ARHGAP35: variants seen among roughly 807,000 people sequenced by gnomAD.
ARHGAP35 encodes rho GTPase-activating protein 35.
In ARHGAP35, 15 loss-of-function variants were observed where a neutral mutation model predicts 111.1. The observed-to-expected ratio is 0.13, with a 90% CI of 0.09 to 0.21. The LOEUF is 0.21. Among genes scored for constraint, ARHGAP35 ranks in the 10% least tolerant of loss-of-function variants. The pLI is 1.00. For missense variants in ARHGAP35, 1,262 were observed against 1,873.0 expected, an observed-to-expected ratio of 0.67 and a Z score of 6.02; for synonymous variants, 643 against 710.3, an observed-to-expected ratio of 0.91 and a Z score of 1.51.
intron 2 of ARHGAP35, among the ~76,000 whole-genome samples, chr19:46,924,538 A>G (rs998168185): frequency 1.3e-5 from 2 of 152,168 alleles, no homozygotes; most frequent in African/African-American, 2.4e-5. Flanking sequence ...GCTTTTCTAC[A>G]TGGAGTCCTT....
chr19:46,905,556 C>A (rs1367592391), intron 1 of ARHGAP35, among the ~76,000 whole-genome samples: 1 of 125,442 alleles, frequency 8.0e-6, no homozygotes, highest in East Asian at 2.7e-4. Flanking sequence ...TTGTATTCCA[C>A]CCCCCCCCCC....
chr19:46,873,653 C>T (rs990278493), intron 1 of ARHGAP35, among the ~76,000 whole-genome samples: 13 of 150,514 alleles, frequency 8.6e-5, no homozygotes, highest in East Asian at 1.9e-4. Flanking sequence ...AAAAAAAAGC[C>T]GTCGGTCAAA....
chr19:46,986,226 G>T lies in ARHGAP35; in HGVS notation c.3827-1763G>T, dbSNP rs759238330. Among the ~76,000 whole-genome samples, 1 of 152,154 alleles carries T rather than the reference G, an allele frequency of 6.6e-6. No individual in the cohort carries two copies. The highest frequency in any genetic ancestry group is 1.5e-5 in the Non-Finnish European group (1 of 68,036). On this transcript the variant is annotated intron_variant, in intron 3 of 6. Transcript: ENST00000672722. This position sits in a 1 kb window ranked among gnomAD's most constrained non-coding sequence, Gnocchi z 4.3. ...ATCTTGATGGCTCACAGTGGACTTC[G>T]TTCCCAGGACAGGGTGAGTGGACTC...
chr19:46,949,080 C>T (rs1330710742), intron 3 of ARHGAP35: 4 of 151,856 alleles, frequency 2.6e-5, no homozygotes, highest in Non-Finnish European at 5.9e-5. Context: ...TGGCGTGAAC[C>T]CGGGAGGCGG....
Position 46,918,711 on chromosome 19 carries a change from C to T in ARHGAP35, c.36C>T (p.Pro12=), listed in dbSNP as rs779177543. 1 of 1,613,616 alleles carries T rather than the reference C, an allele frequency of 6.2e-7. No individual in the cohort carries two copies. The highest frequency in any genetic ancestry group is 8.5e-7 in the Non-Finnish European group (1 of 1,179,638). ...CAAGAAAGCAAGATGTCCGAATTCC[C>T]ACCTACAACATCAGTGTGGTGGGAT... is the stretch of plus-strand genomic sequence containing the variant. ...MMARKQDVRI[P]TYNISVVGLS... Residue 12 remains proline (P), a synonymous_variant, in exon 2 of 7, where the codon CCC becomes CCT. Transcript: ENST00000672722. This position sits in a 1 kb window ranked among gnomAD's most constrained non-coding sequence, Gnocchi z 5.4.
At chr19:46,874,051 TATTA>T (rs1419427025) in intron 1 of ARHGAP35, among the ~76,000 whole-genome samples, 8 of 152,342 alleles carry the variant, frequency 5.3e-5, no homozygotes, top group Admixed American at 2.0e-4. Context: ...CTGGCTAAGC[TATTA>T]ATTAAATTTT....
chr19:46,987,048 G>A (rs983552013), intron 3 of ARHGAP35, among the ~76,000 whole-genome samples: 8 of 151,668 alleles, frequency 5.3e-5, no homozygotes, highest in African/African-American at 1.5e-4. Flanking sequence ...GGCTGGTCTC[G>A]AACTCCTGAC....
At chr19:46,978,241 G>T (rs189467583) in intron 3 of ARHGAP35, among the ~76,000 whole-genome samples, 59 of 152,294 alleles carry the variant, frequency 3.9e-4, no homozygotes, top group Non-Finnish European at 8.8e-5. Flanking sequence ...ACTCTGAAAA[G>T]TATTCTTTCT....
intron 2 of ARHGAP35, among the ~76,000 whole-genome samples, chr19:46,936,276 A>T (rs2056306706): frequency 6.6e-6 from 1 of 152,170 alleles, no homozygotes; most frequent in Admixed American, 6.5e-5. Context: ...TTTGGAACTT[A>T]GTCTGTGCAT....
In ARHGAP35 at chr19:47,001,477, G is replaced by A. The variant is rs1224390760; in HGVS notation, c.*789G>A. On this transcript the variant is annotated 3_prime_UTR_variant, in exon 7 of 7. Coordinates refer to ENST00000672722, the MANE Select transcript of ARHGAP35 (RefSeq NM_004491.5). This position sits in a 1 kb window ranked among gnomAD's most constrained non-coding sequence, Gnocchi z 5.4. The stretch of plus-strand genomic sequence containing the variant: ...CACTCTGTGCCCGCCTCTGCCGGGA[G>A]GGAGGGAGGCACACAGGTGGAGCTG... 23 of 1,122,580 alleles carry A rather than the reference G, an allele frequency of 2.0e-5. No homozygotes were observed. Among genetic ancestry groups the A allele is most frequent in the Non-Finnish European group, 2.7e-5 (23 of 842,436 alleles). 69.5% of individuals were successfully genotyped at this position (1,122,580 alleles called of 1,614,324 possible).
rs755267035 is a variant in ARHGAP35 at position 46,918,914 on chromosome 19, G to T, written c.239G>T (p.Ser80Ile). 3.0e-5 allele frequency: 49 copies of T among 1,613,890 alleles called. No homozygotes were observed. Among genetic ancestry groups the T allele is most frequent in the Non-Finnish European group, 4.0e-5 (47 of 1,179,906 alleles). Residue 80 changes from serine to isoleucine, a missense_variant, in exon 2 of 7, where the codon AGC (serine) becomes ATC (isoleucine). By Grantham distance (142) the Ser-to-Ile change is moderately radical. Coordinates refer to ENST00000672722, the MANE Select transcript of ARHGAP35 (RefSeq NM_004491.5). This position sits in a 1 kb window ranked among gnomAD's most constrained non-coding sequence, Gnocchi z 5.4. ...CACTTTCTCTACTGGGGAGAAGTTA[G>T]CCGCTCCCTGGAGGATTGTGTGGAA... is the stretch of plus-strand genomic sequence containing the variant. ...NDHFLYWGEV[S>I]RSLEDCVECK...
At chr19:46,972,517 A>G (rs992449094) in intron 3 of ARHGAP35, among the ~76,000 whole-genome samples, 3 of 152,212 alleles carry the variant, frequency 2.0e-5, no homozygotes, top group African/African-American at 7.2e-5. Context: ...CGTGCGGCGC[A>G]CAGCCTTTCG....
intron 1 of ARHGAP35, among the ~76,000 whole-genome samples, chr19:46,889,190 G>T (rs1401599321): frequency 6.6e-6 from 1 of 152,058 alleles, no homozygotes; most frequent in Non-Finnish European, 1.5e-5. Context: ...GCATGGCCAG[G>T]CGCTGTGGCT....
In ARHGAP35 at chr19:47,002,155, G is replaced by A. The variant is rs1941692419; in HGVS notation, c.*1467G>A. 1 of 152,814 alleles carries A rather than the reference G, an allele frequency of 6.5e-6. No homozygotes were observed. Among genetic ancestry groups the A allele is most frequent in the Non-Finnish European group, 1.5e-5 (1 of 68,158 alleles). 9.5% of individuals were successfully genotyped at this position (152,814 alleles called of 1,614,324 possible). ...GACACTAGGCACCCCCCAGGCGAGA[G>A]CTAGTGGGGTGCAGAGGGCCCCATG... On this transcript the variant is annotated 3_prime_UTR_variant, in exon 7 of 7. Transcript: ENST00000672722.
At chr19:46,878,044 CAG>C (rs2055935491) in intron 1 of ARHGAP35, among the ~76,000 whole-genome samples, 1 of 151,816 alleles carries the variant, frequency 6.6e-6, no homozygotes, top group African/African-American at 2.4e-5. Context: ...TTTTTTGAGA[CAG>C]AGTCTTCCTT....
chr19:46,975,872 T>G (rs1476571748), intron 3 of ARHGAP35, among the ~76,000 whole-genome samples: 1 of 152,186 alleles, frequency 6.6e-6, no homozygotes, highest in Non-Finnish European at 1.5e-5. Context: ...GCTGTTAAAT[T>G]CAGTTAGTTA....
intron 5 of ARHGAP35, among the ~76,000 whole-genome samples, chr19:46,995,508 A>G (rs2056702619): frequency 6.6e-6 from 1 of 152,216 alleles, no homozygotes; most frequent in Non-Finnish European, 1.5e-5. Context: ...TGCCGCGTGC[A>G]GGGAGGCGGG....
At chr19:46,950,738 T>A (rs1420988266) in intron 3 of ARHGAP35, among the ~76,000 whole-genome samples, 1 of 152,198 alleles carries the variant, frequency 6.6e-6, no homozygotes, top group Non-Finnish European at 1.5e-5. Flanking sequence ...TACCTCGCTG[T>A]GGCTCTCTCT....
At chr19:46,944,116 A>G (rs2056364836) in intron 3 of ARHGAP35, among the ~76,000 whole-genome samples, 2 of 152,124 alleles carry the variant, frequency 1.3e-5, no homozygotes, top group South Asian at 4.1e-4. Flanking sequence ...CCCTGGCAAC[A>G]TGGTAAAATC....
Sources: gnomAD v4.1 joint callset for allele counts (sites outside exome capture counted in the v4.1 genomes callset) on GRCh38, gnomAD v4.1.1 for gene constraint, Gnocchi (gnomAD v3.1) non-coding constraint, MANE v1.5 for transcripts, NCBI Gene and HGNC (gene_info 2026-07-23, HGNC 2026-07-21) for gene names.